Variants in MARF1 observed in about 807,000 individuals in gnomAD.
MARF1 encodes the protein limkain-b1.
A neutral mutation model predicts 168.2 loss-of-function variants in MARF1; 24 were observed. The ratio of observed to expected loss-of-function variants is 0.14; its 90% CI spans 0.10 to 0.20. The LOEUF is 0.20. Among genes scored for constraint, MARF1 ranks in the 10% least tolerant of loss-of-function variants. The probability of loss-of-function intolerance (pLI) is 1.00; values close to 1 mark genes in which losing one functional copy is unlikely to be tolerated. For missense variants in MARF1, 1,744 were observed against 2,143.6 expected (o/e 0.81, Z 3.68); for synonymous variants, 868 against 822.4 (o/e 1.06, Z -0.95).
At chr16:15,611,176 C>T (rs913963315) in intron 18 of MARF1, 68 bp from the exon 19 acceptor site, 152 of 1,513,248 alleles carry the variant, frequency 1.0e-4, no homozygotes, top group Middle Eastern at 1.7e-4. Flanking sequence ...ACAAGTTTTC[C>T]GGCCGGGCGC....
chr16:15,625,277 C>A lies in MARF1; in HGVS notation c.1953+95G>T, dbSNP rs536455006. The A allele has an allele frequency of 1.6e-5, 24 of 1,544,916 alleles. No homozygotes were observed. The South Asian group carries it at 2.2e-4, about 14-fold the overall frequency. Reference sequence around the variant, plus strand: ...TTTGAGTATCATCAAACACTGAAATCAAAAAGGGACACGCCAAAAGCAAGC... The same window carrying A: ...TTTGAGTATCATCAAACACTGAAATAAAAAAGGGACACGCCAAAAGCAAGC... On this transcript the variant is annotated intron_variant, in intron 8 of 26. Transcript: ENST00000396368.
intron 10 of MARF1, among the ~76,000 whole-genome samples, chr16:15,623,911 T>TG (rs1491440765): frequency 7.7e-6 from 1 of 129,242 alleles, no homozygotes; most frequent in African/African-American, 3.5e-5. Flanking sequence ...TCACTTTCTC[T>TG]TTTTTTTTTT....
In MARF1 at chr16:15,596,826, G is replaced by A. The variant is rs1287770858; in HGVS notation, c.5096C>T (p.Pro1699Leu). The A allele has an allele frequency of 6.2e-7, 1 of 1,614,166 alleles. No homozygotes were observed. The highest frequency in any genetic ancestry group is 8.5e-7 in the Non-Finnish European group (1 of 1,180,020). ...SSCISAAVPV[P>L]PCPSSETSES... ...GGAGGTTTCCGAGGAGGGGCAGGGA[G>A]GCACGGGGACAGCTGCTGAGATGCA... Residue 1699 changes from proline (P) to leucine (L), a missense_variant, in exon 27 of 27, where the codon CCT becomes CTT. Pro to Leu is a moderately conservative substitution (Grantham distance 98, BLOSUM62 -3). Around this residue, in one of 7 missense-constraint regions of MARF1, gnomAD observed 313 missense variants for 337.4 expected, o/e 0.93. Transcript: ENST00000396368.
rs2034008190 is a variant in MARF1 at position 15,615,919 on chromosome 16, G to C, written c.3164C>G (p.Thr1055Ser). 3.1e-6 allele frequency: 5 copies of C among 1,601,500 alleles called. No individual in the cohort carries two copies. The highest frequency in any genetic ancestry group is 4.3e-6 in the Non-Finnish European group (5 of 1,173,036). The change falls in exon 16 of 27, where the codon ACC becomes AGC. Residue 1055 changes from threonine (T) to serine (S), a missense_variant. Around this residue, in one of 7 missense-constraint regions of MARF1, gnomAD observed 543 missense variants for 742.1 expected, o/e 0.73. Transcript: ENST00000396368. Reference sequence around the variant, plus strand: ...GGCAATGTTTACACCTGGAACACAGGTAATGAAGTGTTCTAAGGGAACACC... The same window carrying C: ...GGCAATGTTTACACCTGGAACACAGCTAATGAAGTGTTCTAAGGGAACACC... ...QGGVPLEHFI[T>S]CVPGVNIATA...
At chr16:15,637,435 G>C (rs2035672572) in intron 2 of MARF1, among the ~76,000 whole-genome samples, 1 of 152,240 alleles carries the variant, frequency 6.6e-6, no homozygotes, top group South Asian at 2.1e-4. Flanking sequence ...TCATCTGGAA[G>C]AAATGTGAAT....
At chr16:15,618,120 CT>C (rs2034198751) in intron 13 of MARF1, among the ~76,000 whole-genome samples, 1 of 152,184 alleles carries the variant, frequency 6.6e-6, no homozygotes, top group African/African-American at 2.4e-5. Context: ...CGGGGCCTCA[CT>C]TTTTCCATCT....
chr16:15,610,920 T>C (rs945507178), intron 19 of MARF1, 55 bp downstream of exon 19: 2 of 1,559,068 alleles, frequency 1.3e-6, no homozygotes, highest in Non-Finnish European at 1.8e-6. Context: ...TGCCACACTA[T>C]GTTAAAATAA....
chr16:15,601,916 T>C (rs1767808251), intron 23 of MARF1, 75 bp downstream of exon 23: 2 of 1,225,172 alleles, frequency 1.6e-6, no homozygotes, highest in African/African-American at 3.0e-5. Context: ...TGGCAGCATT[T>C]TATTTTTCTG....
At chr16:15,607,673 C>G (rs1358556658) in intron 21 of MARF1, among the ~76,000 whole-genome samples, 1 of 152,234 alleles carries the variant, frequency 6.6e-6, no homozygotes, top group African/African-American at 2.4e-5. Context: ...GTCCTTCATG[C>G]TTCCCTTTCC....
In MARF1 at chr16:15,599,170, A is replaced by C. The variant is rs1388689355; in HGVS notation, c.4814-146T>G. On this transcript the variant is annotated intron_variant, in intron 25 of 26. Coordinates refer to ENST00000396368, the MANE Select transcript of MARF1 (RefSeq NM_014647.4). ...TTAAGGTATTAAAAAAAAAAAAAAA[A>C]AAAAACAAAAACCCAAAACCCACTA... The C allele has an allele frequency of 2.1e-3, 1,687 of 794,150 alleles. 5 individuals are homozygous for C. The highest frequency in any genetic ancestry group is 7.7e-3 in the East Asian group (271 of 35,266). The allele number at this position is 794,150 out of a possible 1,614,324, so 49.2% of individuals were successfully genotyped here. A position where few individuals can be genotyped will look rare whatever the true frequency, so the allele number is the denominator to read the frequency against.
At chr16:15,627,057 G>GAAC (rs1201014529) in intron 7 of MARF1, among the ~76,000 whole-genome samples, 1 of 151,606 alleles carries the variant, frequency 6.6e-6, no homozygotes, top group African/African-American at 2.4e-5. Context: ...ACAAACGAAC[G>GAAC]AACGAACGAA....
At chr16:15,614,930 G>A (rs1331231790) in intron 16 of MARF1, among the ~76,000 whole-genome samples, 1 of 152,094 alleles carries the variant, frequency 6.6e-6, no homozygotes, top group South Asian at 2.1e-4. Context: ...GATTACAGGT[G>A]CCCACCATCA....
rs1232772272 is a variant in MARF1, at chr16:15,596,445, G to T, written c.*248C>A. 2 of 339,132 alleles carry T rather than the reference G, an allele frequency of 5.9e-6. No individual in the cohort carries two copies. Among genetic ancestry groups the T allele is most frequent in the African/African-American group, 2.1e-5 (1 of 47,336 alleles). 21.0% of individuals were successfully genotyped at this position (339,132 alleles called of 1,614,324 possible). On this transcript the variant is annotated 3_prime_UTR_variant, in exon 27 of 27. Coordinates refer to ENST00000396368, the MANE Select transcript of MARF1 (RefSeq NM_014647.4). Reference sequence around the variant, plus strand: ...TAAAAATTTGGTAAAATATATTAAGGATTCTTTAACAAATGCCACAAGTTC... The same window carrying T: ...TAAAAATTTGGTAAAATATATTAAGTATTCTTTAACAAATGCCACAAGTTC...
In MARF1 at chr16:15,631,340, CAG is replaced by C. The variant is rs1567581988; in HGVS notation, c.1351+39_1351+40del. 3.0e-6 allele frequency: 4 copies of C among 1,355,388 alleles called. No individual in the cohort carries two copies. In the South Asian group the frequency reaches 4.7e-5, roughly 16 times the overall value. The allele number at this position is 1,355,388 out of a possible 1,614,324, so 84.0% of individuals were successfully genotyped here. On this transcript the variant is annotated intron_variant, in intron 6 of 26. Coordinates refer to ENST00000396368, the MANE Select transcript of MARF1 (RefSeq NM_014647.4). ...CTGGCTTCTATGATAATTTCCCACA[CAG>C]TGAGTTTAGCTGAAATTAGCAGATG...
intron 16 of MARF1, among the ~76,000 whole-genome samples, chr16:15,613,519 G>C (rs1284485996): frequency 1.3e-5 from 2 of 151,592 alleles, no homozygotes; most frequent in Non-Finnish European, 2.9e-5. Context: ...AAAATTAGCC[G>C]GGCGTGGTGG....
chr16:15,603,950 A>G (rs1275037590), intron 22 of MARF1, among the ~76,000 whole-genome samples: 2 of 151,872 alleles, frequency 1.3e-5, no homozygotes, highest in Non-Finnish European at 2.9e-5. Flanking sequence ...GGACAAACAC[A>G]CCCCAGTGCC....
intron 12 of MARF1, 58 bp from the exon 13 acceptor site, chr16:15,620,589 TA>T: frequency 9.0e-7 from 1 of 1,112,732 alleles, no homozygotes; most frequent in Non-Finnish European, 1.3e-6. Context: ...ACAAGTTATA[TA>T]AACAGAGTTC....
chr16:15,629,315 G>A (rs865857526), intron 7 of MARF1, among the ~76,000 whole-genome samples: 2 of 152,052 alleles, frequency 1.3e-5, no homozygotes, highest in African/African-American at 2.4e-5. Flanking sequence ...TAAGCCTCTG[G>A]TATCCACAAC....
At chr16:15,600,818 T>TA (rs2032349125) in intron 23 of MARF1, 117 bp from the exon 24 acceptor site, 5 of 1,011,036 alleles carry the variant, frequency 4.9e-6, no homozygotes, top group African/African-American at 1.6e-5. Context: ...GGAGCTGAGT[T>TA]ACTGCCAAGA....
Sources: gnomAD v4.1 joint callset for allele counts (sites outside exome capture counted in the v4.1 genomes callset) on GRCh38, gnomAD v4.1.1 for gene constraint, gnomAD v4.1.1 regional missense constraint, MANE v1.5 for transcripts, NCBI Gene and HGNC (gene_info 2026-07-23, HGNC 2026-07-21) for gene names.